The following EIF2B4 variants were observed in gnomAD, a reference collection of about 807,000 sequenced individuals.
The protein encoded by EIF2B4 is translation initiation factor eIF2B subunit delta.
EIF2B4 carries 34 observed loss-of-function variants against 66.7 expected under a neutral mutation model. The observed-to-expected ratio is 0.51, with a 90% confidence interval of 0.39 to 0.68. The LOEUF (loss-of-function observed/expected upper bound fraction) is 0.68. Ranked by LOEUF, EIF2B4 falls within the 30% of genes least tolerant of loss-of-function variation. EIF2B4 has a pLI of 0.00. For synonymous variants in EIF2B4, 278 were observed against 253.6 expected (o/e 1.10, Z -0.92); for missense variants, 618 against 657.9 (o/e 0.94, Z 0.66).
intron 8 of EIF2B4, 63 bp from the exon 9 acceptor site, chr2:27,367,622 T>G: frequency 6.2e-7 from 1 of 1,601,216 alleles, no homozygotes; most frequent in East Asian, 2.2e-5. Context: ...AGCCTTCACA[T>G]TTAAAAAAAA....
At position 27,367,489 on chromosome 2, in the gene EIF2B4, TG is replaced by T; in HGVS notation, c.852del (p.Thr285ProfsTer30). 6.2e-7 allele frequency: 1 copy of T among 1,614,130 alleles called. No individual in the cohort carries two copies. The highest frequency in any genetic ancestry group is 8.5e-7 in the Non-Finnish European group (1 of 1,180,028). ...TCCCGCTTGGAACTGCCCACACTGG[TG>T]ATTTCCTTGTTAAGGAACTTGATGG... ...HNAIKFLNKE[I>X]TSVGSSKREE... On this transcript the variant is annotated frameshift_variant, in exon 9 of 13. Transcript: ENST00000347454. LOFTEE classifies it high-confidence loss of function.
At chr2:27,366,692 T>C (rs1681886483) in intron 11 of EIF2B4, 67 bp downstream of exon 11, 1 of 1,560,712 alleles carries the variant, frequency 6.4e-7, no homozygotes, top group Non-Finnish European at 8.8e-7. Context: ...TTTGGGAAGG[T>C]GAGATTATGT....
At chr2:27,365,587 A>G (rs975404069) in intron 11 of EIF2B4, 2 of 153,062 alleles carry the variant, frequency 1.3e-5, no homozygotes, top group African/African-American at 2.4e-5. Context: ...TGTGTTAGCC[A>G]GGATGATTGT....
Position 27,369,052 on chromosome 2 carries a change from T to TCC in EIF2B4, c.370_371dup (p.Pro125AspfsTer18), listed in dbSNP as rs748102093. 1 of 1,614,018 alleles carries TCC rather than the reference T, an allele frequency of 6.2e-7. No individual in the cohort carries two copies. The highest frequency in any genetic ancestry group is 8.5e-7 in the Non-Finnish European group (1 of 1,179,984). ...TGCTGGGGCTGGCCTTAGGAGGTGGTCCTCCTTGTTCCCCTTTTCTTGCCT... is the reference window on the plus strand; with the variant it reads ...TGCTGGGGCTGGCCTTAGGAGGTGGTCCCCTCCTTGTTCCCCTTTTCTTGCCT... On this transcript the variant is annotated frameshift_variant, in exon 4 of 13. Transcript: ENST00000347454. LOFTEE classifies it high-confidence loss of function.
intron 7 of EIF2B4, 88 bp downstream of exon 7, chr2:27,367,937 C>T: frequency 6.8e-7 from 1 of 1,472,560 alleles, no homozygotes; most frequent in Non-Finnish European, 9.4e-7. Flanking sequence ...TTCCCTCTGT[C>T]CCCCAGAGAT....
chr2:27,369,757 A>C, intron 2 of EIF2B4, 119 bp downstream of exon 2: 1 of 1,466,100 alleles, frequency 6.8e-7, no homozygotes, highest in Non-Finnish European at 9.2e-7. Context: ...GACCTCTGTA[A>C]AATCTCCTGG....
chr2:27,367,846 G>A (rs1681978801), intron 7 of EIF2B4, 24 bp from the exon 8 acceptor site: 7 of 1,600,428 alleles, frequency 4.4e-6, no homozygotes, highest in Non-Finnish European at 6.0e-6. Flanking sequence ...AAGGTGATCT[G>A]CAAAATACCC....
chr2:27,368,574 C>T (rs1371711344), intron 5 of EIF2B4, 80 bp downstream of exon 5: 4 of 1,582,842 alleles, frequency 2.5e-6, no homozygotes, highest in Non-Finnish European at 3.5e-6. Flanking sequence ...CTATCCTTCT[C>T]ACTTTGCACC....
At position 27,368,686 on chromosome 2, in the gene EIF2B4, T is replaced by G. The variant is rs1682056333; in HGVS notation, c.466A>C (p.Arg156=). 6.2e-7 allele frequency: 1 copy of G among 1,614,058 alleles called. No homozygotes were observed. Among genetic ancestry groups the G allele is most frequent in the African/African-American group, 1.3e-5 (1 of 74,912 alleles). The change falls in exon 5 of 13, where the codon AGA becomes CGA. Residue 156 remains arginine, a synonymous_variant. Coordinates refer to ENST00000347454, the MANE Select transcript of EIF2B4 (RefSeq NM_001034116.2). ...EYPQVDDLLL[R]RLVKKPERQQ... is the part of the protein sequence containing the mutation. Reference sequence around the variant, plus strand: ...CGCTCTGGTTTTTTAACAAGCCTTCTCAGAAGTAGGTCATCAACCTGAGGG... The same window carrying G: ...CGCTCTGGTTTTTTAACAAGCCTTCGCAGAAGTAGGTCATCAACCTGAGGG...
In EIF2B4 at chr2:27,369,348, A is replaced by C. The variant is rs570489746; in HGVS notation, c.211+66T>G. On this transcript the variant is annotated intron_variant, in intron 3 of 12. Coordinates refer to ENST00000347454, the MANE Select transcript of EIF2B4 (RefSeq NM_001034116.2). The stretch of plus-strand genomic sequence containing the variant: ...ATCAACTTTGTCCTGTCTCTCCCTT[A>C]TCTCTCCCACCACATCCCTCTACCA... 151 of 1,591,030 alleles carry C rather than the reference A, an allele frequency of 9.5e-5. 1 individual carries two copies. In the South Asian group the frequency reaches 1.6e-3, roughly 17 times the overall value.
intron 11 of EIF2B4, 199 bp downstream of exon 11, chr2:27,366,560 G>A: frequency 3.0e-6 from 2 of 661,802 alleles, no homozygotes; most frequent in Non-Finnish European, 5.4e-6. Flanking sequence ...CACACCAGTA[G>A]TCCCAGCTAC....
chr2:27,369,597 G>C lies in EIF2B4; in HGVS notation c.76-48C>G, dbSNP rs773907867. The C allele has an allele frequency of 1.9e-5, 30 of 1,613,238 alleles. No individual in the cohort carries two copies. The East Asian group carries it at 3.1e-4, about 17-fold the overall frequency. On this transcript the variant is annotated intron_variant, in intron 2 of 12. Transcript: ENST00000347454. ...TGCTCTTCCCCAACAATTCCAAAGG[G>C]GAACAAATACTATTGGATGCTTACA...
intron 11 of EIF2B4, 198 bp from the exon 12 acceptor site, chr2:27,365,096 GC>G: frequency 1.7e-6 from 1 of 577,930 alleles, no homozygotes; most frequent in Non-Finnish European, 3.0e-6. Context: ...TGCTCTTGTT[GC>G]CCAGGCTGGA....
Position 27,369,107 on chromosome 2 carries a change from G to A in EIF2B4, c.317C>T (p.Ala106Val), listed in dbSNP as rs1384380359. The A allele has an allele frequency of 6.2e-7, 1 of 1,613,794 alleles. No individual in the cohort carries two copies. Among genetic ancestry groups the A allele is most frequent in the Non-Finnish European group, 8.5e-7 (1 of 1,179,980 alleles). The change falls in exon 4 of 13, where the codon GCC (alanine) becomes GTC (valine). Residue 106 changes from alanine to valine, a missense_variant. Around this residue, in one of 4 missense-constraint regions of EIF2B4, gnomAD observed 506 missense variants for 511.9 expected, o/e 0.99. Transcript: ENST00000347454. ...SKAELRAERRAKQEAERALKQ... is the reference protein window; with the variant it reads ...SKAELRAERRVKQEAERALKQ... ...CAGGGCCCGCTCGGCCTCCTGCTTGGCTCGACGCTCAGCCCGAAGTTCGGC... is the reference window on the plus strand; with the variant it reads ...CAGGGCCCGCTCGGCCTCCTGCTTGACTCGACGCTCAGCCCGAAGTTCGGC...
chr2:27,367,089 A>T lies in EIF2B4; in HGVS notation c.998T>A (p.Ile333Asn). 1.2e-6 allele frequency: 2 copies of T among 1,614,230 alleles called. No homozygotes were observed. Among genetic ancestry groups the T allele is most frequent in the Non-Finnish European group, 1.7e-6 (2 of 1,180,044 alleles). The change falls in exon 10 of 13, where the codon ATC (isoleucine) becomes AAC (asparagine). Residue 333 changes from isoleucine to asparagine, a missense_variant. Transcript: ENST00000347454. ...TGGACCATACCATCCATATACCAGG[A>T]TCACATCTCCATTACTGATCTTCTG... ...AYQKISNGDV[I>N]LVYGCSSLVS...
chr2:27,366,677 G>GT, intron 11 of EIF2B4, 82 bp downstream of exon 11: 1 of 1,542,180 alleles, frequency 6.5e-7, no homozygotes, highest in South Asian at 1.1e-5. Context: ...AAACAAAACT[G>GT]TAACTTTGGG....
rs1239514852 is a variant in EIF2B4, at chr2:27,364,488, T to G, written c.1484A>C (p.Glu495Ala). The G allele has an allele frequency of 6.2e-7, 1 of 1,614,186 alleles. No individual in the cohort carries two copies. The highest frequency in any genetic ancestry group is 2.2e-5 in the East Asian group (1 of 44,880). The stretch of plus-strand genomic sequence containing the variant: ...CTCCGTGATCACCAGATCCACAAGC[T>G]CTGGGGGAGTCACATCATAGACTAG... ...LNLVYDVTPPELVDLVITELG... is the reference protein window; with the variant it reads ...LNLVYDVTPPALVDLVITELG... Residue 495 changes from glutamate (E) to alanine (A), a missense_variant, in exon 13 of 13, where the codon GAG becomes GCG. Glu to Ala is a moderately radical substitution (Grantham distance 107). Around this residue, in one of 4 missense-constraint regions of EIF2B4, gnomAD observed 63 missense variants for 47.5 expected, o/e 1.33. Transcript: ENST00000347454.
rs1462370218 is a variant in EIF2B4, at chr2:27,370,311, C to G, written c.4G>C (p.Ala2Pro). M[A>P]AVAVAVREDS... Reference sequence around the variant, plus strand: ...TCGCGAACAGCCACGGCCACAGCAGCCATCGCCCTCAGTCCTAGGCTCCGC... The same window carrying G: ...TCGCGAACAGCCACGGCCACAGCAGGCATCGCCCTCAGTCCTAGGCTCCGC... Residue 2 changes from alanine to proline, a missense_variant, in exon 1 of 13, where the codon GCT becomes CCT. Around this residue, in one of 4 missense-constraint regions of EIF2B4, gnomAD observed 506 missense variants for 511.9 expected, o/e 0.99. Coordinates refer to ENST00000347454, the MANE Select transcript of EIF2B4 (RefSeq NM_001034116.2). 2 of 1,543,782 alleles carry G rather than the reference C, an allele frequency of 1.3e-6. No homozygotes were observed. The highest frequency in any genetic ancestry group is 1.7e-6 in the Non-Finnish European group (2 of 1,147,316).
intron 2 of EIF2B4, 150 bp from the exon 3 acceptor site, chr2:27,369,699 C>G (rs1682210381): frequency 1.1e-5 from 17 of 1,487,370 alleles, no homozygotes; most frequent in Non-Finnish European, 1.6e-5. Flanking sequence ...TCCACAGAGG[C>G]TGACGTTTCT....
Sources: allele counts gnomAD v4.1 joint callset, GRCh38; gene constraint gnomAD v4.1.1; regional missense constraint gnomAD v4.1.1; transcripts MANE v1.5; gene names NCBI Gene and HGNC (gene_info 2026-07-23, HGNC 2026-07-21).